Variants in NEDD4 observed in about 807,000 individuals in gnomAD.
NEDD4 encodes the protein NEDD4 E3 ubiquitin protein ligase.
In NEDD4, 99 loss-of-function variants were observed where a neutral mutation model predicts 144.9. The ratio of observed to expected loss-of-function variants is 0.68; its 90% confidence interval spans 0.58 to 0.81. The LOEUF (loss-of-function observed/expected upper bound fraction) is 0.81. Among genes scored for constraint, NEDD4 ranks in the 30% least tolerant of loss-of-function variants. The pLI is 0.00. For missense variants in NEDD4, 985 were observed against 1,065.9 expected, an observed-to-expected ratio of 0.92 and a Z score of 1.06; for synonymous variants, 318 against 350.6, an observed-to-expected ratio of 0.91 and a Z score of 1.04.
chr15:55,904,448 G>A (rs542719955), intron 5 of NEDD4, among the ~76,000 whole-genome samples: 8 of 151,956 alleles, frequency 5.3e-5, no homozygotes, highest in Admixed American at 3.3e-4. Flanking sequence ...GATTACAGGC[G>A]TGCACCAACA....
Position 55,830,544 on chromosome 15 carries a change from G to T in NEDD4, c.2570C>A (p.Thr857Asn). ...PQSFTVEQWG[T>N]PEKLPRAHTC... is the part of the protein sequence containing the mutation. ...ATGAGCTCTTGGCAGCTTTTCAGGAGTACCCCACTGTTCAACTGTAAATGA... is the reference window on the plus strand; with the variant it reads ...ATGAGCTCTTGGCAGCTTTTCAGGATTACCCCACTGTTCAACTGTAAATGA... The change falls in exon 28 of 29, where the codon ACT becomes AAT. Residue 857 changes from threonine to asparagine, a missense_variant. Transcript: ENST00000435532. 2 of 1,614,112 alleles carry T rather than the reference G, an allele frequency of 1.2e-6. No homozygotes were observed. Among genetic ancestry groups the T allele is most frequent in the Non-Finnish European group, 1.7e-6 (2 of 1,179,960 alleles).
chr15:55,959,437 A>G (rs1470302999), intron 2 of NEDD4, among the ~76,000 whole-genome samples: 1 of 152,188 alleles, frequency 6.6e-6, no homozygotes, highest in African/African-American at 2.4e-5. Context: ...ATCTTGATTA[A>G]CGTACCATGT....
At chr15:55,901,219 T>C (rs2035905190) in intron 5 of NEDD4, among the ~76,000 whole-genome samples, 1 of 152,158 alleles carries the variant, frequency 6.6e-6, no homozygotes, top group Admixed American at 6.5e-5. Flanking sequence ...TTGAGAGCTC[T>C]GTGAATTCTT....
At chr15:55,903,824 C>CA (rs1198758409) in intron 5 of NEDD4, among the ~76,000 whole-genome samples, 775 of 73,508 alleles carry the variant, frequency 0.011, 17 homozygotes, top group African/African-American at 0.04. Flanking sequence ...GACTCCATCT[C>CA]AAAAAAAAAA....
In NEDD4 at chr15:55,882,845, C is replaced by A. The variant is rs552408000; in HGVS notation, c.292-8837G>T. Among the ~76,000 whole-genome samples, 10 of 152,332 alleles carry A rather than the reference C, an allele frequency of 6.6e-5. No individual in the cohort carries two copies. In the East Asian group the frequency reaches 1.9e-3, roughly 29 times the overall value. On this transcript the variant is annotated intron_variant, in intron 5 of 28. Coordinates refer to ENST00000435532, the MANE Select transcript of NEDD4 (RefSeq NM_006154.4). ...CCAGCTCAGCCATAGTAGGCTAGGA[C>A]ACTTGCTGACTGAAGAGCCTTAGGT...
chr15:55,931,737 A>C (rs1334645997), intron 4 of NEDD4, among the ~76,000 whole-genome samples: 1 of 152,244 alleles, frequency 6.6e-6, no homozygotes, highest in African/African-American at 2.4e-5. Context: ...CAATACAGAT[A>C]CATCTTTAAA....
intron 1 of NEDD4, among the ~76,000 whole-genome samples, chr15:55,971,624 C>CAAAAAAAAA (rs59537454): frequency 6.4e-5 from 8 of 124,626 alleles, no homozygotes; most frequent in Admixed American, 1.7e-4. Context: ...GACTCTGTCT[C>CAAAAAAAAA]AAAAAAAAAA....
intron 2 of NEDD4, among the ~76,000 whole-genome samples, chr15:55,961,848 C>T (rs2037432152): frequency 2.6e-5 from 4 of 152,104 alleles, no homozygotes; most frequent in Admixed American, 1.3e-4. Flanking sequence ...ACCATGTACA[C>T]TTGAAAAGAA....
chr15:55,849,095 C>A (rs1311045288), intron 14 of NEDD4, among the ~76,000 whole-genome samples: 3 of 152,214 alleles, frequency 2.0e-5, no homozygotes, highest in Non-Finnish European at 4.4e-5. Flanking sequence ...GAATAACGAT[C>A]AGTTCTCAGG....
At chr15:55,905,145 T>C in intron 5 of NEDD4, 1 of 318,950 alleles carries the variant, frequency 3.1e-6, no homozygotes, top group Non-Finnish European at 6.2e-6. Flanking sequence ...TTACTGCAAA[T>C]GAATTAAATT....
chr15:55,863,057 T>C lies in NEDD4; in HGVS notation c.530A>G (p.Gln177Arg), dbSNP rs1438445619. 6.2e-7 allele frequency: 1 copy of C among 1,600,896 alleles called. No individual in the cohort carries two copies. The change falls in exon 9 of 29, where the codon CAA becomes CGA. Residue 177 changes from glutamine (Q) to arginine (R), a missense_variant. Coordinates refer to ENST00000435532, the MANE Select transcript of NEDD4 (RefSeq NM_006154.4). ...CTGCAAATGGCAAGCAGCATCTGGTTGGTCCAAAACAACCCAGCCAGGCTG... is the reference window on the plus strand; with the variant it reads ...CTGCAAATGGCAAGCAGCATCTGGTCGGTCCAAAACAACCCAGCCAGGCTG... ...ELEPGWVVLD[Q>R]PDAACHLQQQ...
intron 1 of NEDD4, among the ~76,000 whole-genome samples, chr15:55,975,723 T>G (rs1254869010): frequency 6.6e-6 from 1 of 151,994 alleles, no homozygotes; most frequent in African/African-American, 2.4e-5. Context: ...AATCTACAGA[T>G]TCAATGCAAC....
At chr15:55,977,510 TA>T (rs57962947) in intron 1 of NEDD4, among the ~76,000 whole-genome samples, 19,950 of 152,142 alleles carry the variant, frequency 0.13, 1,421 homozygotes, top group East Asian at 0.32. Context: ...CTACTAATTC[TA>T]AAAATCCATA....
chr15:55,956,982 TTA>T (rs1427073233), intron 2 of NEDD4, among the ~76,000 whole-genome samples: 5 of 152,240 alleles, frequency 3.3e-5, no homozygotes, highest in African/African-American at 1.2e-4. Context: ...CAGCACTGTT[TTA>T]TAGTTTTCAG....
At chr15:55,879,660 A>G (rs1304782833) in intron 5 of NEDD4, among the ~76,000 whole-genome samples, 2 of 152,232 alleles carry the variant, frequency 1.3e-5, no homozygotes, top group Non-Finnish European at 2.9e-5. Context: ...GAAAAACCGT[A>G]ATATTCCCAG....
chr15:55,952,947 G>C (rs2037269478), intron 2 of NEDD4, among the ~76,000 whole-genome samples: 1 of 151,704 alleles, frequency 6.6e-6, no homozygotes, highest in Admixed American at 6.6e-5. Flanking sequence ...CAATTACTCA[G>C]TGCCAGACAC....
chr15:55,893,270 G>A (rs1205664459), intron 5 of NEDD4, among the ~76,000 whole-genome samples: 5 of 151,790 alleles, frequency 3.3e-5, no homozygotes, highest in African/African-American at 1.2e-4. Context: ...TCCTCTATGC[G>A]CAAATGTCAT....
rs1334884402 is a variant in NEDD4 at position 55,840,511 on chromosome 15, A to G, written c.1967T>C (p.Phe656Ser). 1 of 1,614,022 alleles carries G rather than the reference A, an allele frequency of 6.2e-7. No individual in the cohort carries two copies. Among genetic ancestry groups the G allele is most frequent in the South Asian group, 1.1e-5 (1 of 91,052 alleles). The change falls in exon 21 of 29, where the codon TTC becomes TCC. Residue 656 changes from phenylalanine to serine, a missense_variant. By Grantham distance (155) the Phe-to-Ser change is radical. Coordinates refer to ENST00000435532, the MANE Select transcript of NEDD4 (RefSeq NM_006154.4). ...CATCATCTTGTAAAATGGGCGGATGAAAAAACCTTGCAAAAAACCAAATAC... is the reference window on the plus strand; with the variant it reads ...CATCATCTTGTAAAATGGGCGGATGGAAAAACCTTGCAAAAAACCAAATAC... ...VYHGKLLDGF[F>S]IRPFYKMMLH...
intron 2 of NEDD4, among the ~76,000 whole-genome samples, chr15:55,956,389 T>C (rs1391485707): frequency 2.0e-5 from 3 of 152,214 alleles, no homozygotes; most frequent in South Asian, 2.1e-4. Flanking sequence ...TGTAACCCAA[T>C]AGAGCAAAGA....
Sources: allele counts gnomAD v4.1 joint callset (sites outside exome capture counted in the v4.1 genomes callset), GRCh38; gene constraint gnomAD v4.1.1; transcripts MANE v1.5; gene names NCBI Gene and HGNC (gene_info 2026-07-23, HGNC 2026-07-21).